The following TMEM126A variants were observed in gnomAD, a reference collection of about 807,000 sequenced individuals.
TMEM126A encodes the protein transmembrane protein 126A, also known as optic atrophy 7.
In TMEM126A, 10 loss-of-function variants were observed where a neutral mutation model predicts 18.3. The ratio of observed to expected loss-of-function variants is 0.55; its 90% CI spans 0.34 to 0.93. The LOEUF (loss-of-function observed/expected upper bound fraction) is 0.93, where lower values mean the gene tolerates loss of function less well. Among genes scored for constraint, TMEM126A ranks in the 40% least tolerant of loss-of-function variants. The pLI, the probability that TMEM126A is intolerant of heterozygous loss-of-function variation, is 0.02. For synonymous variants in TMEM126A, 68 were observed against 78.1 expected (o/e 0.87, Z 0.68); for missense variants, 246 against 230.2 (o/e 1.07, Z -0.44).
intron 1 of TMEM126A, 25 bp from the exon 2 acceptor site, chr11:85,650,224 A>G (rs770014866): frequency 9.2e-6 from 13 of 1,408,084 alleles, no homozygotes; most frequent in Non-Finnish European, 1.3e-5. Flanking sequence ...AATTCTTGAG[A>G]AATGATATCT....
intron 2 of TMEM126A, among the ~76,000 whole-genome samples, chr11:85,652,979 T>C (rs2082512134): frequency 6.6e-6 from 1 of 152,056 alleles, no homozygotes; most frequent in Non-Finnish European, 1.5e-5. Flanking sequence ...ATTTACATGG[T>C]TTTTGTGGTT....
In TMEM126A at chr11:85,651,322, G is replaced by A. The variant is rs549006236; in HGVS notation, c.86+981G>A. ...GGCTTGTGGTACTTGAGTAACCATT[G>A]TTACCGAAGTACTAAGGAAGTGGGA... On this transcript the variant is annotated intron_variant, in intron 2 of 4. Transcript: ENST00000304511. Among the ~76,000 whole-genome samples the A allele has an allele frequency of 1.2e-4, 18 of 152,240 alleles. No individual in the cohort carries two copies. The South Asian group carries it at 3.7e-3, about 32-fold the overall frequency.
chr11:85,649,219 G>A (rs971317966), intron 1 of TMEM126A, among the ~76,000 whole-genome samples: 4 of 152,210 alleles, frequency 2.6e-5, no homozygotes, highest in Non-Finnish European at 5.9e-5. Flanking sequence ...ACAGGCGTGA[G>A]CCACTGCATC....
rs1421361322 is a variant in TMEM126A, at chr11:85,655,729, TATA to T, written c.395+25_395+27del. 5 of 1,530,140 alleles carry T rather than the reference TATA, an allele frequency of 3.3e-6. No individual in the cohort carries two copies. The Admixed American group carries it at 5.0e-5, about 15-fold the overall frequency. 94.8% of individuals were successfully genotyped at this position (1,530,140 alleles called of 1,614,324 possible). The stretch of plus-strand genomic sequence containing the variant: ...GCCAGGTAGGAAATAAAAAACTTTT[TATA>T]ATATGTGATTACCTATAAAACTCAC... On this transcript the variant is annotated intron_variant, in intron 4 of 4. Transcript: ENST00000304511.
At chr11:85,649,807 G>T (rs1239075201) in intron 1 of TMEM126A, among the ~76,000 whole-genome samples, 1 of 152,124 alleles carries the variant, frequency 6.6e-6, no homozygotes, top group Non-Finnish European at 1.5e-5. Context: ...TGAAGTGCCT[G>T]TTCAAATATT....
Position 85,655,581 on chromosome 11 carries a change from A to G in TMEM126A, c.281-13A>G. On this transcript the variant is annotated splice_polypyrimidine_tract_variant and intron_variant, in intron 3 of 4. Transcript: ENST00000304511. ...ATCATGACCTTCATTTCTATGACTAATTTATTTCCTAGGTGATTTGGATTG... is the reference window on the plus strand; with the variant it reads ...ATCATGACCTTCATTTCTATGACTAGTTTATTTCCTAGGTGATTTGGATTG... The G allele has an allele frequency of 6.3e-7, 1 of 1,589,806 alleles. No individual in the cohort carries two copies. The highest frequency in any genetic ancestry group is 1.1e-5 in the South Asian group (1 of 90,522).
Position 85,653,114 on chromosome 11 carries a change from C to CAAA in TMEM126A, c.87-949_87-948insAAA, listed in dbSNP as rs2082513708. On this transcript the variant is annotated intron_variant, in intron 2 of 4. Coordinates refer to ENST00000304511, the MANE Select transcript of TMEM126A (RefSeq NM_032273.4). ...TGTTATATCTCGTTTACATCTCTTT[C>CAAA]TTCTCCAGTAATATTTAACTATGTT... is the stretch of plus-strand genomic sequence containing the variant. 3.3e-5 allele frequency among the ~76,000 whole-genome samples: 5 copies of CAAA among 152,268 alleles called. No homozygotes were observed. In the South Asian group the frequency reaches 1.0e-3, roughly 32 times the overall value.
At chr11:85,648,977 C>T (rs1038261640) in intron 1 of TMEM126A, among the ~76,000 whole-genome samples, 1 of 151,058 alleles carries the variant, frequency 6.6e-6, no homozygotes, top group Non-Finnish European at 1.5e-5. Context: ...CGCTCTCACC[C>T]AGGCTGGAGT....
intron 3 of TMEM126A, among the ~76,000 whole-genome samples, chr11:85,655,094 CT>C (rs998396290): frequency 3.9e-5 from 6 of 151,966 alleles, no homozygotes; most frequent in African/African-American, 1.4e-4. Flanking sequence ...ATAAAAAAAA[CT>C]TTTGATTAAT....
intron 4 of TMEM126A, among the ~76,000 whole-genome samples, 196 bp from the exon 5 acceptor site, chr11:85,656,113 C>T (rs1445920952): frequency 1.3e-5 from 2 of 152,150 alleles, no homozygotes; most frequent in African/African-American, 4.8e-5. Flanking sequence ...TGAACTCTTG[C>T]ATCAGCAATC....
chr11:85,650,119 A>T (rs1033486547), intron 1 of TMEM126A, 130 bp from the exon 2 acceptor site: 1 of 585,164 alleles, frequency 1.7e-6, no homozygotes, highest in Non-Finnish European at 3.0e-6. Context: ...TTTCACTTAG[A>T]TTTTTTTTTA....
At chr11:85,648,758 T>C (rs1021244970) in intron 1 of TMEM126A, among the ~76,000 whole-genome samples, 1 of 152,194 alleles carries the variant, frequency 6.6e-6, no homozygotes, top group Non-Finnish European at 1.5e-5. Flanking sequence ...TTTGTACTTA[T>C]TAGGTTAGCT....
At chr11:85,653,722 G>A (rs1036002157) in intron 2 of TMEM126A, among the ~76,000 whole-genome samples, 2 of 152,120 alleles carry the variant, frequency 1.3e-5, no homozygotes, top group African/African-American at 4.8e-5. Flanking sequence ...TCTGTGTCAG[G>A]CTGAATACAT....
chr11:85,650,345 A>G lies in TMEM126A; in HGVS notation c.86+4A>G, dbSNP rs1285039030. ...ACCAGCTTCCAGAAGCAGAAAGGTA[A>G]GATCCCTTCTTAATTTAAAAACACC... is the stretch of plus-strand genomic sequence containing the variant. On this transcript the variant is annotated splice_donor_region_variant and intron_variant, in intron 2 of 4. Transcript: ENST00000304511. 1 of 1,589,914 alleles carries G rather than the reference A, an allele frequency of 6.3e-7. No individual in the cohort carries two copies. The highest frequency in any genetic ancestry group is 8.6e-7 in the Non-Finnish European group (1 of 1,158,760).
intron 3 of TMEM126A, among the ~76,000 whole-genome samples, chr11:85,655,013 C>T (rs1237156850): frequency 2.0e-5 from 3 of 152,044 alleles, no homozygotes; most frequent in Admixed American, 1.3e-4. Flanking sequence ...ATACATTTAT[C>T]AAATACATGG....
rs572026102 is a variant in TMEM126A at position 85,652,499 on chromosome 11, T to A, written c.87-1564T>A. Among the ~76,000 whole-genome samples the A allele has an allele frequency of 5.6e-4, 86 of 152,354 alleles. 2 individuals are homozygous for A. The South Asian group carries it at 0.017, about 31-fold the overall frequency. ...CATTTTCTGATCTACAGCAATACTT[T>A]CACGTACATGTTTGTCATTTGTTAA... On this transcript the variant is annotated intron_variant, in intron 2 of 4. Coordinates refer to ENST00000304511, the MANE Select transcript of TMEM126A (RefSeq NM_032273.4).
rs112880915 is a variant in TMEM126A, at chr11:85,654,331, A to G, written c.280+75A>G. 4.6e-5 allele frequency: 64 copies of G among 1,386,574 alleles called. 1 individual carries two copies. In the African/African-American group the frequency reaches 5.8e-4, roughly 13 times the overall value. The allele number at this position is 1,386,574 out of a possible 1,614,324, so 85.9% of individuals were successfully genotyped here. ...TTGCAGCTTTAGTCCATACTTATTA[A>G]TATCAAGTAGCTGTATGCTGTAATG... On this transcript the variant is annotated intron_variant, in intron 3 of 4. Transcript: ENST00000304511.
chr11:85,653,971 G>A (rs2082518736), intron 2 of TMEM126A, 92 bp from the exon 3 acceptor site: 1 of 1,419,166 alleles, frequency 7.0e-7, no homozygotes, highest in Non-Finnish European at 1.0e-6. Flanking sequence ...TCCAGTTAGT[G>A]TATTCCCAAA....
chr11:85,651,404 T>G (rs184255363), intron 2 of TMEM126A, among the ~76,000 whole-genome samples: 1 of 152,238 alleles, frequency 6.6e-6, no homozygotes, highest in African/African-American at 2.4e-5. Flanking sequence ...CTAAAGAACA[T>G]TCCAGCTGCT....
Sources: allele counts gnomAD v4.1 joint callset (sites outside exome capture counted in the v4.1 genomes callset), GRCh38; gene constraint gnomAD v4.1.1; transcripts MANE v1.5; gene names NCBI Gene and HGNC (gene_info 2026-07-23, HGNC 2026-07-21).